CT47B1: variants seen among roughly 807,000 people sequenced by gnomAD.
CT47B1 encodes the protein cancer/testis antigen family 47 member B1.
In CT47B1, 24 loss-of-function variants were observed where a neutral mutation model predicts 12.8. That is an observed-to-expected ratio of 1.87 (90% CI 1.36 to 2.63). The LOEUF is 2.63. Among genes scored for constraint, CT47B1 ranks in the 30% most tolerant of loss-of-function variants. CT47B1 has a pLI of 0.00. For synonymous variants in CT47B1, 228 were observed against 133.3 expected (o/e 1.71, Z -4.89); for missense variants, 523 against 271.3 (o/e 1.93, Z -6.52).
In CT47B1 at chrX:120,875,305, G is replaced by T. The variant is rs745882236; in HGVS notation, c.366C>A (p.Phe122Leu). 3 of 1,211,219 alleles carry T rather than the reference G, an allele frequency of 2.5e-6. No individual in the cohort carries two copies. The highest frequency in any genetic ancestry group is 3.4e-6 in the Non-Finnish European group (3 of 894,867). ...TRRYPAAGIG[F>L]VFLYLVHSLL... ...GGGAGTGGACCAGGTACAGGAACACGAAGCCAATGCCCGCCGCCGGGTACC... is the reference window on the plus strand; with the variant it reads ...GGGAGTGGACCAGGTACAGGAACACTAAGCCAATGCCCGCCGCCGGGTACC... Residue 122 changes from phenylalanine (F) to leucine (L), a missense_variant, in exon 1 of 3, where the codon TTC becomes TTA. Coordinates refer to ENST00000371311, the MANE Select transcript of CT47B1 (RefSeq NM_001145718.3).
In CT47B1 at chrX:120,875,409, C is replaced by T. The variant is rs200243472; in HGVS notation, c.262G>A (p.Gly88Arg). The T allele has an allele frequency of 2.6e-5, 31 of 1,207,430 alleles. No homozygotes were observed. The highest frequency in any genetic ancestry group is 4.4e-5 in the Admixed American group (2 of 45,849). ...GGSAEEDSDIGPATEEEEEEE... is the reference protein window; with the variant it reads ...GGSAEEDSDIRPATEEEEEEE... ...TCCTCCTCTTCCTCCGTCGCGGGCC[C>T]GATATCTGAGTCCTCCTCGGCGCTC... Residue 88 changes from glycine (G) to arginine (R), a missense_variant, in exon 1 of 3, where the codon GGG becomes AGG. Gly to Arg is a moderately radical substitution (Grantham distance 125). Transcript: ENST00000371311.
rs1923932609 is a variant in CT47B1, at chrX:120,875,263, A to T, written c.408T>A (p.Tyr136Ter). Residue 136 changes from tyrosine (Y) to a stop codon, truncating the protein, a stop_gained, in exon 1 of 3, where the codon TAT (tyrosine) becomes TAA (stop). Transcript: ENST00000371311. LOFTEE classifies it high-confidence loss of function. ...TCGCTATCTGGATGTGGTCGTTGTG[A>T]TAGAGGCGGCGGAGAAGGGAGTGGA... ...YLVHSLLRRL[Y>*]HNDHIQIANR... The T allele has an allele frequency of 2.5e-6, 3 of 1,211,289 alleles. No homozygotes were observed. In the African/African-American group the frequency reaches 5.2e-5, roughly 21 times the overall value.
chrX:120,875,476 C>T lies in CT47B1; in HGVS notation c.195G>A (p.Glu65=). ...CGGCCAGGCCTGCCGCCTGCTCACC[C>T]TCCTCCTCCCCGAGGCCTTCCACGG... The part of the protein sequence containing the change: ...AGPVEGLGEE[E]GEQAAGLAAV... Residue 65 remains glutamate, a synonymous_variant, in exon 1 of 3, where the codon GAG becomes GAA. Transcript: ENST00000371311. 3.3e-6 allele frequency: 4 copies of T among 1,203,619 alleles called. No individual in the cohort carries two copies. The highest frequency in any genetic ancestry group is 3.4e-6 in the Non-Finnish European group (3 of 894,228).
At position 120,875,530 on chromosome X, in the gene CT47B1, A is replaced by C; in HGVS notation, c.141T>G (p.Pro47=). 1.7e-6 allele frequency: 2 copies of C among 1,196,988 alleles called. No individual in the cohort carries two copies. The highest frequency in any genetic ancestry group is 3.5e-5 in the South Asian group (2 of 56,760). The change falls in exon 1 of 3, where the codon CCT becomes CCG. Residue 47 remains proline (P), a synonymous_variant. Transcript: ENST00000371311. The part of the protein sequence containing the change: ...DSGPDSSDMV[P]AAEVVGVAGP... The stretch of plus-strand genomic sequence containing the variant: ...CTGCGACTCCGACCACCTCGGCCGC[A>C]GGCACCATGTCGCTGCTGTCGGGGC...
chrX:120,875,245 C>A lies in CT47B1; in HGVS notation c.426G>T (p.Gln142His). Residue 142 changes from glutamine (Q) to histidine (H), a missense_variant, in exon 1 of 3, where the codon CAG becomes CAT. Transcript: ENST00000371311. ...LRRLYHNDHI[Q>H]IANRHLSRLM... ...GGCGGCTGAGGTGACGGTTCGCTAT[C>A]TGGATGTGGTCGTTGTGATAGAGGC... 1 of 1,211,405 alleles carries A rather than the reference C, an allele frequency of 8.3e-7. No homozygotes were observed. The highest frequency in any genetic ancestry group is 1.1e-6 in the Non-Finnish European group (1 of 894,893).
In CT47B1 at chrX:120,875,458, G is replaced by C; in HGVS notation, c.213C>G (p.Gly71=). The C allele has an allele frequency of 8.3e-7, 1 of 1,204,858 alleles. No homozygotes were observed. The highest frequency in any genetic ancestry group is 1.1e-6 in the Non-Finnish European group (1 of 894,066). Residue 71 remains glycine, a synonymous_variant, in exon 1 of 3, where the codon GGC becomes GGG. Coordinates refer to ENST00000371311, the MANE Select transcript of CT47B1 (RefSeq NM_001145718.3). ...TCCCGCCCTGGGGGACTGCGGCCAG[G>C]CCTGCCGCCTGCTCACCCTCCTCCT... The part of the protein sequence containing the change: ...LGEEEGEQAA[G]LAAVPQGGSA...
At position 120,875,377 on chromosome X, in the gene CT47B1, T is replaced by C; in HGVS notation, c.294A>G (p.Glu98=). ...CGAAGTTGGCCGCCTCGTTCCCCTCTTCCTCCTCCTCCTCTTCCTCCGTCG... is the reference window on the plus strand; with the variant it reads ...CGAAGTTGGCCGCCTCGTTCCCCTCCTCCTCCTCCTCCTCTTCCTCCGTCG... ...GPATEEEEEE[E]EGNEAANFDL... Residue 98 remains glutamate, a synonymous_variant, in exon 1 of 3, where the codon GAA becomes GAG. Transcript: ENST00000371311. The C allele has an allele frequency of 8.3e-7, 1 of 1,209,477 alleles. No individual in the cohort carries two copies.
At position 120,874,882 on chromosome X, in the gene CT47B1, G is replaced by A. The variant is rs770617802; in HGVS notation, c.775+14C>T. On this transcript the variant is annotated intron_variant, in intron 1 of 2. Transcript: ENST00000371311. ...GGATCCCCGCTTCCCCGCTGCTGCC[G>A]CTAGCCCCCTTACCCTCGGGGGCCA... The A allele has an allele frequency of 6.6e-6, 8 of 1,205,880 alleles. No individual in the cohort carries two copies. The highest frequency in any genetic ancestry group is 3.5e-5 in the African/African-American group (2 of 57,160).
Position 120,875,070 on chromosome X carries a change from A to G in CT47B1, c.601T>C (p.Ser201Pro), listed in dbSNP as rs1261269578. The G allele has an allele frequency of 8.3e-7, 1 of 1,207,276 alleles. No homozygotes were observed. The highest frequency in any genetic ancestry group is 1.8e-5 in the African/African-American group (1 of 56,966). Residue 201 changes from serine (S) to proline (P), a missense_variant, in exon 1 of 3, where the codon TCG becomes CCG. Coordinates refer to ENST00000371311, the MANE Select transcript of CT47B1 (RefSeq NM_001145718.3). Reference protein sequence around the residue: ...QEAASVQEAASVPEPAVPADL... With the variant: ...QEAASVQEAAPVPEPAVPADL... ...GCTGGCACTGCAGGCTCTGGGACCG[A>G]CGCGGCCTCCTGGACCGACGCAGCC...
chrX:120,875,270 C>A lies in CT47B1; in HGVS notation c.401G>T (p.Arg134Leu), dbSNP rs746190277. ...CTGGATGTGGTCGTTGTGATAGAGG[C>A]GGCGGAGAAGGGAGTGGACCAGGTA... ...FLYLVHSLLR[R>L]LYHNDHIQIA... The change falls in exon 1 of 3, where the codon CGC becomes CTC. Residue 134 changes from arginine to leucine, a missense_variant. Physicochemically the swap from Arg to Leu is moderately radical, Grantham distance 102 (BLOSUM62 -2). Transcript: ENST00000371311. The A allele has an allele frequency of 1.7e-6, 2 of 1,211,268 alleles. No homozygotes were observed. Among genetic ancestry groups the A allele is most frequent in the Admixed American group, 4.3e-5 (2 of 46,129 alleles).
chrX:120,875,377 TTCCTCC>T lies in CT47B1; in HGVS notation c.288_293del (p.Glu98_Glu99del). Reference sequence around the variant, plus strand: ...CGAAGTTGGCCGCCTCGTTCCCCTCTTCCTCCTCCTCCTCTTCCTCCGTCGCGGGCC... The same window carrying T: ...CGAAGTTGGCCGCCTCGTTCCCCTCTTCCTCCTCTTCCTCCGTCGCGGGCC... On this transcript the variant is annotated inframe_deletion, in exon 1 of 3. Coordinates refer to ENST00000371311, the MANE Select transcript of CT47B1 (RefSeq NM_001145718.3). The T allele has an allele frequency of 2.5e-6, 3 of 1,209,478 alleles. No homozygotes were observed. Among genetic ancestry groups the T allele is most frequent in the Non-Finnish European group, 3.4e-6 (3 of 894,098 alleles).
At chrX:120,874,640 A>G (rs922408786) in intron 1 of CT47B1, among the ~76,000 whole-genome samples, 8 of 111,022 alleles carry the variant, frequency 7.2e-5, no homozygotes, top group Non-Finnish European at 1.5e-4. Flanking sequence ...ATGATCTCAG[A>G]TCTCCTATCA....
intron 1 of CT47B1, 123 bp downstream of exon 1, chrX:120,874,772 AC>A: frequency 9.4e-7 from 1 of 1,062,046 alleles, no homozygotes; most frequent in Non-Finnish European, 1.2e-6. Flanking sequence ...CACCTGCTTC[AC>A]CACCCGAGGC....
rs772391276 is a variant in CT47B1 at position 120,874,992 on chromosome X, G to T, written c.679C>A (p.Pro227Thr). 1.2e-5 allele frequency: 15 copies of T among 1,208,850 alleles called. No individual in the cohort carries two copies. The East Asian group carries it at 3.3e-4, about 26-fold the overall frequency. The change falls in exon 1 of 3, where the codon CCC becomes ACC. Residue 227 changes from proline to threonine, a missense_variant. Transcript: ENST00000371311. The stretch of plus-strand genomic sequence containing the variant: ...TTCTCCTCTGCGGCCTCCTCTGGGG[G>T]TTTCTCATCTGCGGCCTCCTCCGCG... ...EPAEEAADEKPPEEAAEEKLT... is the reference protein window; with the variant it reads ...EPAEEAADEKTPEEAAEEKLT...
chrX:120,875,195 A>G lies in CT47B1; in HGVS notation c.476T>C (p.Val159Ala), dbSNP rs760865176. ...GGGAGGGTTGTCCCAGAGGTTGGGC[A>G]CAGCAGCGTGGGGCCCCACCATCAG... ...SRLMVGPHAA[V>A]PNLWDNPPLL... The change falls in exon 1 of 3, where the codon GTG becomes GCG. Residue 159 changes from valine (V) to alanine (A), a missense_variant. Transcript: ENST00000371311. The G allele has an allele frequency of 7.6e-5, 92 of 1,209,882 alleles. No homozygotes were observed. Among genetic ancestry groups the G allele is most frequent in the Non-Finnish European group, 1.0e-4 (91 of 894,569 alleles).
Position 120,875,149 on chromosome X carries a change from C to T in CT47B1, c.522G>A (p.Arg174=), listed in dbSNP as rs763741802. 34 of 1,209,570 alleles carry T rather than the reference C, an allele frequency of 2.8e-5. No homozygotes were observed. Among genetic ancestry groups the T allele is most frequent in the Non-Finnish European group, 3.6e-5 (32 of 894,587 alleles). Residue 174 remains arginine (R), a synonymous_variant, in exon 1 of 3, where the codon AGG becomes AGA. Transcript: ENST00000371311. The stretch of plus-strand genomic sequence containing the variant: ...CTGGGGCTGCAGCCCCTGCACCCAG[C>T]CTCTGGGACAGCAGCAGCAGGGGAG... ...DNPPLLLLSQ[R]LGAGAAAPEG... is the part of the protein sequence containing the mutation.
rs1923889055 is a variant in CT47B1 at position 120,874,938 on chromosome X, C to T, written c.733G>A (p.Ala245Thr). 8.3e-7 allele frequency: 1 copy of T among 1,209,993 alleles called. No homozygotes were observed. The highest frequency in any genetic ancestry group is 2.6e-4 in the Middle Eastern group (1 of 3,781). The part of the protein sequence containing the change: ...KLTEEATEEP[A>T]AEEPTSEEAV... ...TCCTCTGAGGTCGGTTCCTCTGCGG[C>T]CGGTTCCTCTGTGGCCTCCTCTGTG... Residue 245 changes from alanine to threonine, a missense_variant, in exon 1 of 3, where the codon GCC becomes ACC. By Grantham distance (58) the Ala-to-Thr change is moderately conservative (BLOSUM62 0). Transcript: ENST00000371311.
chrX:120,874,925 G>T lies in CT47B1; in HGVS notation c.746C>A (p.Pro249Gln), dbSNP rs769266744. The change falls in exon 1 of 3, where the codon CCG becomes CAG. Residue 249 changes from proline (P) to glutamine (Q), a missense_variant. Transcript: ENST00000371311. ...GGGGGCCACGGCCTCCTCTGAGGTC[G>T]GTTCCTCTGCGGCCGGTTCCTCTGT... ...EATEEPAAEEPTSEEAVAPEE... is the reference protein window; with the variant it reads ...EATEEPAAEEQTSEEAVAPEE... 5.8e-6 allele frequency: 7 copies of T among 1,208,342 alleles called. No homozygotes were observed. Among genetic ancestry groups the T allele is most frequent in the Non-Finnish European group, 7.8e-6 (7 of 894,448 alleles).
In CT47B1 at chrX:120,875,524, G is replaced by T; in HGVS notation, c.147C>A (p.Ala49=). 1 of 1,197,312 alleles carries T rather than the reference G, an allele frequency of 8.4e-7. No individual in the cohort carries two copies. Among genetic ancestry groups the T allele is most frequent in the Non-Finnish European group, 1.1e-6 (1 of 894,066 alleles). ...CGGGCCCTGCGACTCCGACCACCTC[G>T]GCCGCAGGCACCATGTCGCTGCTGT... ...GPDSSDMVPA[A]EVVGVAGPVE... Residue 49 remains alanine (A), a synonymous_variant, in exon 1 of 3, where the codon GCC becomes GCA. Coordinates refer to ENST00000371311, the MANE Select transcript of CT47B1 (RefSeq NM_001145718.3).
Sources: gnomAD v4.1 joint callset for allele counts (sites outside exome capture counted in the v4.1 genomes callset) on GRCh38, gnomAD v4.1.1 for gene constraint, MANE v1.5 for transcripts, NCBI Gene and HGNC (gene_info 2026-07-23, HGNC 2026-07-21) for gene names.